PTPRD: variants seen among roughly 807,000 people sequenced by gnomAD.
The protein encoded by PTPRD is protein tyrosine phosphatase receptor type D, also known as receptor-type tyrosine-protein phosphatase delta.
Under a neutral mutation model 214.5 loss-of-function variants are expected in PTPRD, and 34 were observed. The observed-to-expected ratio is 0.16, with a 90% CI of 0.12 to 0.21. The LOEUF is 0.21. Ranked by LOEUF, PTPRD falls within the 10% of genes least tolerant of loss-of-function variation. The probability of loss-of-function intolerance (pLI) is 1.00; values close to 1 mark genes in which losing one functional copy is unlikely to be tolerated. For missense variants in PTPRD, 2,545 were observed against 2,398.7 expected, an observed-to-expected ratio of 1.06 and a Z score of -1.27; for synonymous variants, 1,128 against 845.7, an observed-to-expected ratio of 1.33 and a Z score of -5.79.
intron 9 of PTPRD, among the ~76,000 whole-genome samples, chr9:9,196,351 G>A (rs1368479203): frequency 6.6e-6 from 1 of 152,104 alleles, no homozygotes; most frequent in Admixed American, 6.6e-5. Context: ...ACCATTCTAA[G>A]TAAATCACAA....
At chr9:9,447,434 G>T (rs2090810603) in intron 8 of PTPRD, among the ~76,000 whole-genome samples, 1 of 117,604 alleles carries the variant, frequency 8.5e-6, no homozygotes, top group South Asian at 3.0e-4. Flanking sequence ...AATACCGTAT[G>T]TTCTCACTTA....
At chr9:10,159,536 C>G (rs893800434) in intron 3 of PTPRD, among the ~76,000 whole-genome samples, 5 of 151,948 alleles carry the variant, frequency 3.3e-5, no homozygotes, top group Admixed American at 3.3e-4. Flanking sequence ...CTGACCTTCA[C>G]AAGACAGTAA....
intron 3 of PTPRD, among the ~76,000 whole-genome samples, chr9:10,153,408 T>C (rs1055556027): frequency 5.9e-5 from 9 of 151,396 alleles, no homozygotes; most frequent in Non-Finnish European, 1.3e-4. Context: ...CTAAAAATTA[T>C]TTGCTTAACC....
At chr9:9,763,419 G>A (rs1200614452) in intron 6 of PTPRD, among the ~76,000 whole-genome samples, 3 of 151,606 alleles carry the variant, frequency 2.0e-5, no homozygotes, top group East Asian at 1.9e-4. Flanking sequence ...AAGGGGTATG[G>A]TATTATAATA....
intron 44 of PTPRD, among the ~76,000 whole-genome samples, chr9:8,329,902 T>C (rs1838082428): frequency 6.7e-6 from 1 of 149,854 alleles, no homozygotes; most frequent in Non-Finnish European, 1.5e-5. Context: ...CTCAGACAGC[T>C]GTACTCGCAG....
intron 9 of PTPRD, among the ~76,000 whole-genome samples, chr9:9,246,870 C>A (rs903314607): frequency 6.6e-6 from 1 of 151,886 alleles, no homozygotes; most frequent in Non-Finnish European, 1.5e-5. Context: ...AAATAATACC[C>A]CAAAATATGG....
At chr9:9,094,592 A>G (rs1312872234) in intron 10 of PTPRD, among the ~76,000 whole-genome samples, 11 of 152,068 alleles carry the variant, frequency 7.2e-5, no homozygotes, top group Admixed American at 1.3e-4. Flanking sequence ...TCAGGTGACA[A>G]GTGCACCAAA....
chr9:8,820,582 T>C (rs1441811782), intron 11 of PTPRD, among the ~76,000 whole-genome samples: 4 of 152,158 alleles, frequency 2.6e-5, no homozygotes, highest in African/African-American at 4.8e-5. Context: ...CATTTTTATG[T>C]TTTTAGTTTT....
intron 10 of PTPRD, among the ~76,000 whole-genome samples, chr9:9,032,316 T>C (rs144345778): frequency 6.6e-6 from 1 of 152,200 alleles, no homozygotes; most frequent in East Asian, 1.9e-4. Context: ...TGGTGTGGCA[T>C]TGCTGTCTTC....
At chr9:8,705,626 T>G (rs1335753159) in intron 12 of PTPRD, among the ~76,000 whole-genome samples, 1 of 152,220 alleles carries the variant, frequency 6.6e-6, no homozygotes, top group African/African-American at 2.4e-5. Flanking sequence ...ATCTGCTTCT[T>G]AAGTTAGACA....
chr9:9,679,382 C>G (rs540525975), intron 7 of PTPRD, among the ~76,000 whole-genome samples: 11 of 151,726 alleles, frequency 7.2e-5, no homozygotes, highest in Non-Finnish European at 1.5e-4. Context: ...GTCAATCAAT[C>G]CATAAATATA....
At chr9:10,335,168 A>G (rs1455900843) in intron 3 of PTPRD, among the ~76,000 whole-genome samples, 2 of 151,796 alleles carry the variant, frequency 1.3e-5, no homozygotes, top group Non-Finnish European at 2.9e-5. Context: ...CAGGACTGAC[A>G]CTACCTGACC....
At chr9:9,388,636 A>G (rs1001631013) in intron 9 of PTPRD, among the ~76,000 whole-genome samples, 5 of 152,300 alleles carry the variant, frequency 3.3e-5, no homozygotes, top group East Asian at 1.9e-4. Flanking sequence ...ATGAAGAAAC[A>G]TGACTAAAAA....
intron 3 of PTPRD, among the ~76,000 whole-genome samples, chr9:10,294,356 G>T (rs1265926077): frequency 2.6e-5 from 4 of 151,906 alleles, no homozygotes; most frequent in African/African-American, 9.7e-5. Flanking sequence ...AAGGCAAAAA[G>T]ATGGGGAAAA....
At chr9:8,895,447 A>T (rs894041570) in intron 11 of PTPRD, among the ~76,000 whole-genome samples, 2 of 152,200 alleles carry the variant, frequency 1.3e-5, no homozygotes, top group African/African-American at 4.8e-5. Context: ...AGTGAGTTTG[A>T]TTTTAAATAC....
At chr9:8,468,978 G>C (rs1175836880) in intron 31 of PTPRD, among the ~76,000 whole-genome samples, 3 of 151,868 alleles carry the variant, frequency 2.0e-5, no homozygotes, top group Admixed American at 6.6e-5. Flanking sequence ...TCATTTTCCA[G>C]TCAATGCATA....
At chr9:9,452,965 A>G (rs560600704) in intron 8 of PTPRD, among the ~76,000 whole-genome samples, 111 of 151,456 alleles carry the variant, frequency 7.3e-4, no homozygotes, top group African/African-American at 2.5e-3. Context: ...TCTGGACTTC[A>G]TATGATTTTT....
At chr9:10,140,909 G>C (rs1374883854) in intron 3 of PTPRD, among the ~76,000 whole-genome samples, 1 of 151,906 alleles carries the variant, frequency 6.6e-6, no homozygotes, top group Non-Finnish European at 1.5e-5. Context: ...CCATGATCAA[G>C]TGGGCTTCAT....
chr9:10,169,131 C>A (rs997103874), intron 3 of PTPRD, among the ~76,000 whole-genome samples: 4 of 152,214 alleles, frequency 2.6e-5, no homozygotes, highest in African/African-American at 9.6e-5. Flanking sequence ...TTACTCCCAT[C>A]CCCATTAATG....
Sources: gnomAD v4.1 joint callset for allele counts (sites outside exome capture counted in the v4.1 genomes callset) on GRCh38, gnomAD v4.1.1 for gene constraint, MANE v1.5 for transcripts, NCBI Gene and HGNC (gene_info 2026-07-23, HGNC 2026-07-21) for gene names.